Variants in SIDT1 observed in about 807,000 individuals in gnomAD.
SIDT1 encodes the protein SID1 transmembrane family member 1.
A neutral mutation model predicts 107.5 loss-of-function variants in SIDT1; 101 were observed. That is an observed-to-expected ratio of 0.94 (90% CI 0.80 to 1.11). The LOEUF is 1.11. Among genes scored for constraint, SIDT1 ranks in the 50% least tolerant of loss-of-function variants. SIDT1 has a pLI of 0.00. For synonymous variants in SIDT1, 395 were observed against 398.2 expected, an observed-to-expected ratio of 0.99 and a Z score of 0.10; for missense variants, 1,076 against 1,058.2, an observed-to-expected ratio of 1.02 and a Z score of -0.23.
chr3:113,571,185 G>C (rs890777929), intron 3 of SIDT1, among the ~76,000 whole-genome samples: 1 of 152,206 alleles, frequency 6.6e-6, no homozygotes, highest in Non-Finnish European at 1.5e-5. Context: ...TACTCAGGAG[G>C]CTGAGGCAGG....
chr3:113,615,835 G>C (rs1946063279), intron 19 of SIDT1, among the ~76,000 whole-genome samples: 1 of 152,230 alleles, frequency 6.6e-6, no homozygotes, highest in Non-Finnish European at 1.5e-5. Flanking sequence ...GGGTCCACCA[G>C]CCACCCATGT....
downstream of SIDT1, among the ~76,000 whole-genome samples, chr3:113,631,881 A>C (rs189128341): frequency 7.2e-5 from 11 of 152,318 alleles, no homozygotes; most frequent in Admixed American, 7.2e-4. Context: ...TGCTCCCCCA[A>C]TTTTAGAGAA....
At chr3:113,630,144 G>T (rs533696855), downstream of SIDT1, among the ~76,000 whole-genome samples, 1 of 152,296 alleles carries the variant, frequency 6.6e-6, no homozygotes, top group South Asian at 2.1e-4. Flanking sequence ...GAGAAAGCCG[G>T]GTTCAACAGG....
At chr3:113,561,015 A>G (rs1941380591) in intron 1 of SIDT1, among the ~76,000 whole-genome samples, 1 of 152,196 alleles carries the variant, frequency 6.6e-6, no homozygotes, top group African/African-American at 2.4e-5. Flanking sequence ...GATTTATGCA[A>G]TAAAAGTGTT....
intron 9 of SIDT1, among the ~76,000 whole-genome samples, chr3:113,591,261 A>G (rs1443577999): frequency 6.6e-6 from 1 of 152,092 alleles, no homozygotes; most frequent in East Asian, 1.9e-4. Flanking sequence ...TGGTATTCTG[A>G]CTCCCAGAAC....
At chr3:113,549,658 T>C (rs77208470) in intron 1 of SIDT1, among the ~76,000 whole-genome samples, 2 of 152,208 alleles carry the variant, frequency 1.3e-5, no homozygotes, top group African/African-American at 4.8e-5. Flanking sequence ...CTTTATCAGA[T>C]AAATATTTTG....
chr3:113,599,669 T>C lies in SIDT1; in HGVS notation c.1046-1919T>C, dbSNP rs546594010. Among the ~76,000 whole-genome samples the C allele has an allele frequency of 4.6e-5, 7 of 152,258 alleles. No homozygotes were observed. The East Asian group carries it at 1.2e-3, about 25-fold the overall frequency. On this transcript the variant is annotated intron_variant, in intron 10 of 24. Transcript: ENST00000264852. ...AGTACTGCATGGTCTCTCTTATATGTGAAATCTTTTAAAAAGTAAAATACA... is the reference window on the plus strand; with the variant it reads ...AGTACTGCATGGTCTCTCTTATATGCGAAATCTTTTAAAAAGTAAAATACA...
chr3:113,553,890 A>T (rs1377651701), intron 1 of SIDT1, among the ~76,000 whole-genome samples: 2 of 152,198 alleles, frequency 1.3e-5, no homozygotes, highest in East Asian at 3.8e-4. Context: ...TACTAAAAAT[A>T]CAAAAAATTC....
At chr3:113,621,680 A>T (rs1946473604) in intron 21 of SIDT1, among the ~76,000 whole-genome samples, 1 of 152,210 alleles carries the variant, frequency 6.6e-6, no homozygotes, top group African/African-American at 2.4e-5. Context: ...TCTCAAGGTA[A>T]TGTAAACATT....
At position 113,566,498 on chromosome 3, in the gene SIDT1, A is replaced by G; in HGVS notation, c.301A>G (p.Lys101Glu). 1.2e-6 allele frequency: 2 copies of G among 1,614,200 alleles called. No individual in the cohort carries two copies. The highest frequency in any genetic ancestry group is 1.7e-6 in the Non-Finnish European group (2 of 1,180,034). Residue 101 changes from lysine (K) to glutamate (E), a missense_variant, in exon 2 of 25, where the codon AAA (lysine) becomes GAA (glutamate). Coordinates refer to ENST00000264852, the MANE Select transcript of SIDT1 (RefSeq NM_017699.3). ...YPVLVVVRQQ[K>E]EVLSWQVPLL... ...GGTCCTTGTTGTGGTTCGCCAGCAG[A>G]AAGAGGTGCTGTCCTGGCAGGTTCC...
chr3:113,564,199 G>A (rs548394101), intron 1 of SIDT1, among the ~76,000 whole-genome samples: 1 of 152,306 alleles, frequency 6.6e-6, no homozygotes, highest in Admixed American at 6.5e-5. Flanking sequence ...CTCGGCCTCC[G>A]AAAGTGCTGG....
intron 10 of SIDT1, among the ~76,000 whole-genome samples, chr3:113,599,469 T>C (rs1371494635): frequency 6.6e-6 from 1 of 152,258 alleles, no homozygotes; most frequent in African/African-American, 2.4e-5. Flanking sequence ...CTACCAATTG[T>C]TCTTGTTTGA....
At chr3:113,625,818 A>C in intron 23 of SIDT1, 1 of 325,124 alleles carries the variant, frequency 3.1e-6, no homozygotes, top group Non-Finnish European at 5.6e-6. Flanking sequence ...ATAGTTTGCA[A>C]ATATTTTCTC....
chr3:113,534,793 G>A (rs1937914331), intron 1 of SIDT1, among the ~76,000 whole-genome samples: 1 of 152,174 alleles, frequency 6.6e-6, no homozygotes, highest in Non-Finnish European at 1.5e-5. Context: ...GGTATTTCTT[G>A]CAGTTCTGCA....
chr3:113,562,959 G>T (rs1941564729), intron 1 of SIDT1, among the ~76,000 whole-genome samples: 1 of 152,168 alleles, frequency 6.6e-6, no homozygotes, highest in East Asian at 1.9e-4. Flanking sequence ...CCATATAGAG[G>T]TAATCAGAGG....
intron 1 of SIDT1, 83 bp downstream of exon 1, chr3:113,533,326 T>C: frequency 4.4e-6 from 5 of 1,137,136 alleles, no homozygotes; most frequent in South Asian, 2.2e-5. Context: ...CCCCTGGGAA[T>C]TGACCTTGGG....
intron 1 of SIDT1, among the ~76,000 whole-genome samples, chr3:113,560,179 C>T (rs1271574406): frequency 6.6e-6 from 1 of 152,098 alleles, no homozygotes; most frequent in Non-Finnish European, 1.5e-5. Flanking sequence ...TTTTCTAACA[C>T]TACGAGTGGA....
intron 1 of SIDT1, among the ~76,000 whole-genome samples, chr3:113,558,548 G>A (rs1269209874): frequency 6.6e-6 from 1 of 152,196 alleles, no homozygotes; most frequent in East Asian, 1.9e-4. Flanking sequence ...GTAAAGGAAA[G>A]ACAGACTTAC....
rs1425449336 is a variant in SIDT1 at position 113,616,088 on chromosome 3, T to C, written c.1967-12T>C. ...ACTAAGCCTTCTCACCATGCATTTG[T>C]ATTATCAGCAGATTTGGGAATTTTC... On this transcript the variant is annotated splice_polypyrimidine_tract_variant and intron_variant, in intron 19 of 24. Transcript: ENST00000264852. 2 of 1,605,266 alleles carry C rather than the reference T, an allele frequency of 1.2e-6. No individual in the cohort carries two copies. Among genetic ancestry groups the C allele is most frequent in the Admixed American group, 3.3e-5 (2 of 60,026 alleles).
Sources: gnomAD v4.1 joint callset for allele counts (sites outside exome capture counted in the v4.1 genomes callset) on GRCh38, gnomAD v4.1.1 for gene constraint, MANE v1.5 for transcripts, NCBI Gene and HGNC (gene_info 2026-07-23, HGNC 2026-07-21) for gene names.